Variants in VGLL4 observed in about 807,000 individuals in gnomAD.
VGLL4 encodes the protein vestigial like family member 4.
In VGLL4, 7 loss-of-function variants were observed where a neutral mutation model predicts 21.0. That is an observed-to-expected ratio of 0.33 (90% CI 0.19 to 0.63). The LOEUF (loss-of-function observed/expected upper bound fraction) is 0.63. VGLL4 is among the 20% of genes least tolerant of loss of function. VGLL4 has a pLI of 0.78. For missense variants in VGLL4, 394 were observed against 425.7 expected (o/e 0.93, Z 0.66); for synonymous variants, 222 against 173.2 (o/e 1.28, Z -2.21).
At chr3:11,583,738 A>C (rs1018444969) in intron 2 of VGLL4, among the ~76,000 whole-genome samples, 7 of 152,188 alleles carry the variant, frequency 4.6e-5, no homozygotes, top group Admixed American at 1.3e-4. Context: ...TAGCCCCCTC[A>C]GCTCCGCCAA....
intron 3 of VGLL4, 141 bp from the exon 4 acceptor site, chr3:11,559,596 T>A: frequency 7.7e-7 from 1 of 1,296,596 alleles, no homozygotes; most frequent in Non-Finnish European, 1.0e-6. Flanking sequence ...AATACTGGAG[T>A]CCTGTTGCTA....
chr3:11,631,220 T>C (rs1454680792), intron 1 of VGLL4, among the ~76,000 whole-genome samples: 1 of 152,096 alleles, frequency 6.6e-6, no homozygotes, highest in Non-Finnish European at 1.5e-5. Flanking sequence ...TACTGACTGG[T>C]AAGGAAGCTC....
At chr3:11,596,310 G>C (rs182392151) in intron 2 of VGLL4, among the ~76,000 whole-genome samples, 1 of 152,306 alleles carries the variant, frequency 6.6e-6, no homozygotes, top group African/African-American at 2.4e-5. Flanking sequence ...GGAGAAAAGG[G>C]AAAGTAACTC....
Position 11,719,794 on chromosome 3 carries a change from T to A in VGLL4, c.-14+600A>T, listed in dbSNP as rs1451716743. Among the ~76,000 whole-genome samples, 2 of 151,362 alleles carry A rather than the reference T, an allele frequency of 1.3e-5. No individual in the cohort carries two copies. The highest frequency in any genetic ancestry group is 3.9e-4 in the East Asian group (2 of 5,082). ...CGCGGCAGGGAGAGGCCGCTTTCCC[T>A]CCCCCGCCAGCTGCGCGCCCGGTGC... On this transcript the variant is annotated intron_variant, in intron 1 of 5. Coordinates refer to the VGLL4 transcript ENST00000273038. This position sits in a 1 kb window ranked among gnomAD's most constrained non-coding sequence, Gnocchi z 4.0.
intron 1 of VGLL4, among the ~76,000 whole-genome samples, chr3:11,717,799 A>G (rs567620747): frequency 1.3e-5 from 2 of 152,338 alleles, no homozygotes; most frequent in African/African-American, 2.4e-5. Flanking sequence ...TAAATAACAC[A>G]AAATACTTTC....
intron 2 of VGLL4, among the ~76,000 whole-genome samples, chr3:11,650,393 C>T (rs187143223): frequency 1.0e-3 from 158 of 152,236 alleles, no homozygotes; most frequent in African/African-American, 3.5e-3. Flanking sequence ...ACCAAAACTG[C>T]GAGCTGTGTA....
intron 2 of VGLL4, among the ~76,000 whole-genome samples, chr3:11,671,548 A>C (rs1263228340): frequency 6.6e-6 from 1 of 152,220 alleles, no homozygotes; most frequent in Non-Finnish European, 1.5e-5. Flanking sequence ...TGAAAAGTCA[A>C]GGGTTCCACA....
chr3:11,690,240 TCA>T (rs1408927990), intron 2 of VGLL4, among the ~76,000 whole-genome samples: 9 of 152,244 alleles, frequency 5.9e-5, no homozygotes, highest in Admixed American at 5.2e-4. Flanking sequence ...CCATCTGTTT[TCA>T]GTCTTCCAGG....
intron 2 of VGLL4, among the ~76,000 whole-genome samples, chr3:11,566,377 A>G (rs531766632): frequency 1.3e-5 from 2 of 152,336 alleles, no homozygotes; most frequent in East Asian, 3.9e-4. Flanking sequence ...CAATATCACA[A>G]CCAGGATATC....
chr3:11,649,812 AACTAG>A (rs1397503807), intron 2 of VGLL4, among the ~76,000 whole-genome samples: 3 of 152,156 alleles, frequency 2.0e-5, no homozygotes. Context: ...AATTCCCCCA[AACTAG>A]ACCATAAGCT....
chr3:11,708,669 C>CA (rs1307885327), intron 1 of VGLL4, among the ~76,000 whole-genome samples: 1 of 152,186 alleles, frequency 6.6e-6, no homozygotes, highest in Non-Finnish European at 1.5e-5. Context: ...CTACCTTACA[C>CA]AAAAAATTAT....
chr3:11,691,499 A>T (rs6442277), intron 2 of VGLL4, among the ~76,000 whole-genome samples: 8,537 of 152,274 alleles, frequency 0.056, 277 homozygotes, highest in Middle Eastern at 0.095. Flanking sequence ...GTGTAAATAC[A>T]CCCATCATGG....
At chr3:11,714,875 C>A (rs979208692) in intron 1 of VGLL4, among the ~76,000 whole-genome samples, 1 of 152,288 alleles carries the variant, frequency 6.6e-6, no homozygotes, top group African/African-American at 2.4e-5. Context: ...GTGGCTCACG[C>A]CTGTAACCCC....
chr3:11,587,134 T>G (rs918200167), intron 2 of VGLL4, among the ~76,000 whole-genome samples: 2 of 152,210 alleles, frequency 1.3e-5, no homozygotes, highest in African/African-American at 2.4e-5. Context: ...GTAATAATAC[T>G]GGGAGAGGGA....
Position 11,557,733 on chromosome 3 carries a change from T to C in VGLL4, c.*823A>G, listed in dbSNP as rs185271223. ...ATAGAAACCAGCTATTTTTTCTCCA[T>C]TAAAACATGCATCACGTTTAAAGCA... On this transcript the variant is annotated 3_prime_UTR_variant, in exon 5 of 5. Transcript: ENST00000430365. 1 of 152,900 alleles carries C rather than the reference T, an allele frequency of 6.5e-6. No homozygotes were observed. The highest frequency in any genetic ancestry group is 1.9e-4 in the East Asian group (1 of 5,314). The allele number at this position is 152,900 out of a possible 1,614,324, so 9.5% of individuals were successfully genotyped here.
At chr3:11,662,907 A>C (rs942764600) in intron 2 of VGLL4, among the ~76,000 whole-genome samples, 1 of 152,214 alleles carries the variant, frequency 6.6e-6, no homozygotes, top group Admixed American at 6.5e-5. Flanking sequence ...GATGGGAGGG[A>C]CTTTCTTCAC....
chr3:11,557,344 G>A lies in VGLL4; in HGVS notation c.*1212C>T, dbSNP rs560519583. The A allele has an allele frequency of 6.6e-6, 1 of 152,640 alleles. No homozygotes were observed. Among genetic ancestry groups the A allele is most frequent in the South Asian group, 2.1e-4 (1 of 4,834 alleles). 9.5% of individuals were successfully genotyped at this position (152,640 alleles called of 1,614,324 possible). A position where few individuals can be genotyped will look rare whatever the true frequency, so the allele number is the denominator to read the frequency against. On this transcript the variant is annotated 3_prime_UTR_variant, in exon 5 of 5. Transcript: ENST00000430365. ...ACACCATATCACAGATTGTCTGTCA[G>A]TAATCTGCTGTTCAGCCAAGAGAGT...
intron 1 of VGLL4, among the ~76,000 whole-genome samples, chr3:11,611,171 T>C (rs2075054320): frequency 6.6e-6 from 1 of 152,118 alleles, no homozygotes; most frequent in Non-Finnish European, 1.5e-5. Flanking sequence ...GCTTATTGGC[T>C]GAACCATGCC....
chr3:11,699,103 G>A (rs1300483613), intron 2 of VGLL4, among the ~76,000 whole-genome samples: 1 of 152,154 alleles, frequency 6.6e-6, no homozygotes. Flanking sequence ...AAGTCTGAGA[G>A]CAATTTACAA....
Sources: allele counts gnomAD v4.1 joint callset (sites outside exome capture counted in the v4.1 genomes callset), GRCh38; gene constraint gnomAD v4.1.1; non-coding constraint Gnocchi (gnomAD v3.1); transcripts MANE v1.5; gene names NCBI Gene and HGNC (gene_info 2026-07-23, HGNC 2026-07-21).